Variants in TRPM1 observed in about 807,000 individuals in gnomAD.
TRPM1 encodes TRPM1-203 APA Isoform, Intron 10.
TRPM1 carries 113 observed loss-of-function variants against 149.4 expected under a neutral mutation model. The observed-to-expected ratio is 0.76, with a 90% CI of 0.65 to 0.88. The LOEUF (loss-of-function observed/expected upper bound fraction) is 0.88. Among genes scored for constraint, TRPM1 ranks in the 40% least tolerant of loss-of-function variants. The pLI, the probability that TRPM1 is intolerant of heterozygous loss-of-function variation, is 0.00. For synonymous variants in TRPM1, 741 were observed against 759.5 expected (o/e 0.98, Z 0.40); for missense variants, 1,976 against 2,038.7 (o/e 0.97, Z 0.59).
chr15:31,088,563 G>T (rs1596057843), intron 1 of TRPM1, among the ~76,000 whole-genome samples: 2 of 152,330 alleles, frequency 1.3e-5, no homozygotes, highest in Admixed American at 1.3e-4. Flanking sequence ...AAAGTCTGCG[G>T]CTTCACTGCT....
chr15:31,007,984 C>T (rs1193636055), intron 27 of TRPM1, among the ~76,000 whole-genome samples: 1 of 152,216 alleles, frequency 6.6e-6, no homozygotes, highest in Non-Finnish European at 1.5e-5. Flanking sequence ...TGTTCAATTA[C>T]ACACTGATGG....
chr15:31,084,687 T>C (rs2034950962), intron 1 of TRPM1, among the ~76,000 whole-genome samples: 1 of 150,120 alleles, frequency 6.7e-6, no homozygotes, highest in Non-Finnish European at 1.5e-5. Flanking sequence ...TTTTTTTTTT[T>C]TTTTGAGACA....
At chr15:31,142,356 T>A (rs1315725222) in intron 1 of TRPM1, among the ~76,000 whole-genome samples, 2 of 152,202 alleles carry the variant, frequency 1.3e-5, no homozygotes, top group East Asian at 3.8e-4. Flanking sequence ...TTTGATTTAT[T>A]GTGTTAAAAC....
At chr15:31,019,671 G>T (rs1380156590) in intron 27 of TRPM1, among the ~76,000 whole-genome samples, 1 of 151,866 alleles carries the variant, frequency 6.6e-6, no homozygotes, top group African/African-American at 2.4e-5. Context: ...CAAAGTGCTG[G>T]GATTACAGGC....
At chr15:31,160,329 C>T (rs796219228) in intron 1 of TRPM1, among the ~76,000 whole-genome samples, 4 of 152,282 alleles carry the variant, frequency 2.6e-5, no homozygotes, top group African/African-American at 9.6e-5. Context: ...TGGGAGAGGC[C>T]GTTCCCCACA....
intron 1 of TRPM1, among the ~76,000 whole-genome samples, chr15:31,088,483 C>T (rs541477493): frequency 1.3e-5 from 2 of 152,256 alleles, no homozygotes; most frequent in Non-Finnish European, 2.9e-5. Flanking sequence ...AGTCAGCAAG[C>T]CCACGAACAC....
chr15:31,078,025 G>C (rs1387433731), intron 2 of TRPM1, among the ~76,000 whole-genome samples: 2 of 152,100 alleles, frequency 1.3e-5, no homozygotes, highest in Non-Finnish European at 2.9e-5. Context: ...TGCAGGCATG[G>C]GGAAGTAGAA....
chr15:31,021,092 A>G (rs772951199), intron 27 of TRPM1, among the ~76,000 whole-genome samples: 1 of 152,200 alleles, frequency 6.6e-6, no homozygotes, highest in Non-Finnish European at 1.5e-5. Flanking sequence ...TTCAACATTT[A>G]AGCCATCTCC....
intron 27 of TRPM1, among the ~76,000 whole-genome samples, chr15:31,005,454 C>T (rs568332769): frequency 6.6e-6 from 1 of 152,232 alleles, no homozygotes; most frequent in Admixed American, 6.5e-5. Flanking sequence ...CCTCCCCTCA[C>T]TTCTCTCCTC....
chr15:31,103,243 TC>T (rs1360083236), upstream of TRPM1, among the ~76,000 whole-genome samples: 1 of 152,026 alleles, frequency 6.6e-6, no homozygotes. Context: ...GCCCCATCCT[TC>T]CCCAAGAGAA....
At chr15:31,112,476 T>C (rs2035703592) in intron 1 of TRPM1, among the ~76,000 whole-genome samples, 1 of 152,206 alleles carries the variant, frequency 6.6e-6, no homozygotes, top group African/African-American at 2.4e-5. Context: ...AATAACACCC[T>C]AGTTAAGGAT....
chr15:31,068,369 A>C (rs551869514), intron 4 of TRPM1, among the ~76,000 whole-genome samples: 5 of 152,266 alleles, frequency 3.3e-5, no homozygotes, highest in African/African-American at 1.2e-4. Flanking sequence ...CCAATGCAAT[A>C]GTGTTAAGAG....
At chr15:31,058,029 A>G (rs1369112318) in intron 11 of TRPM1, among the ~76,000 whole-genome samples, 1 of 152,160 alleles carries the variant, frequency 6.6e-6, no homozygotes, top group Non-Finnish European at 1.5e-5. Flanking sequence ...AACCTCCTTT[A>G]CAAATTACAC....
At chr15:31,026,369 T>G in intron 26 of TRPM1, 98 bp from the exon 27 acceptor site, 3 of 1,442,664 alleles carry the variant, frequency 2.1e-6, no homozygotes, top group Non-Finnish European at 2.8e-6. Context: ...TTAAGCTCTC[T>G]TCTCCGCCAC....
chr15:31,112,854 T>C (rs1211410384), intron 1 of TRPM1, among the ~76,000 whole-genome samples: 1 of 152,214 alleles, frequency 6.6e-6, no homozygotes, highest in African/African-American at 2.4e-5. Context: ...AAGAACCCCC[T>C]TTTCTTTCTT....
intron 20 of TRPM1, 83 bp from the exon 21 acceptor site, chr15:31,035,757 A>G: frequency 1.3e-6 from 2 of 1,588,666 alleles, no homozygotes; most frequent in Non-Finnish European, 1.7e-6. Flanking sequence ...TTTCAGGTTG[A>G]CACATCTAAA....
intron 15 of TRPM1, among the ~76,000 whole-genome samples, chr15:31,046,862 C>T (rs553135772): frequency 1.9e-4 from 29 of 152,262 alleles, no homozygotes; most frequent in African/African-American, 7.0e-4. Flanking sequence ...ACAGTAGCCC[C>T]GGAGCCCAGG....
At chr15:31,159,812 G>A (rs999300930) in intron 1 of TRPM1, among the ~76,000 whole-genome samples, 6 of 152,102 alleles carry the variant, frequency 3.9e-5, no homozygotes, top group African/African-American at 7.2e-5. Context: ...AGCAGTTCCC[G>A]CCTAGGGCTC....
intron 1 of TRPM1, among the ~76,000 whole-genome samples, chr15:31,100,808 A>G (rs2035498440): frequency 6.6e-6 from 1 of 152,198 alleles, no homozygotes. Flanking sequence ...TGGACAGACC[A>G]TGATTGATGT....
Sources: allele counts gnomAD v4.1 joint callset (sites outside exome capture counted in the v4.1 genomes callset), GRCh38; gene constraint gnomAD v4.1.1; transcripts MANE v1.5; gene names NCBI Gene and HGNC (gene_info 2026-07-23, HGNC 2026-07-21).